The following VPS13C variants were observed in gnomAD, a reference collection of about 807,000 sequenced individuals.
VPS13C encodes vacuolar protein sorting 13 homolog C.
A neutral mutation model predicts 456.8 loss-of-function variants in VPS13C; 358 were observed. That is an observed-to-expected ratio of 0.78 (90% CI 0.72 to 0.86). VPS13C has a LOEUF of 0.86. Ranked by LOEUF, VPS13C falls within the 40% of genes least tolerant of loss-of-function variation. VPS13C has a pLI of 0.00. For missense variants in VPS13C, 4,818 were observed against 4,385.4 expected (o/e 1.10, Z -2.79); for synonymous variants, 1,578 against 1,486.7 (o/e 1.06, Z -1.41).
At chr15:61,936,505 CACATTGTG>C (rs1184813003) in intron 48 of VPS13C, 84 bp downstream of exon 48, 6 of 1,269,724 alleles carry the variant, frequency 4.7e-6, no homozygotes, top group African/African-American at 3.0e-5. Context: ...TAGTTCATAC[CACATTGTG>C]CTGGACAGCT....
chr15:61,989,883 C>A (rs1365907163), intron 18 of VPS13C, among the ~76,000 whole-genome samples: 1 of 152,116 alleles, frequency 6.6e-6, no homozygotes, highest in Non-Finnish European at 1.5e-5. Context: ...ATGCTCATAT[C>A]CTATGACTCA....
At chr15:61,860,245 C>T (rs2140841478) in intron 82 of VPS13C, among the ~76,000 whole-genome samples, 1 of 152,136 alleles carries the variant, frequency 6.6e-6, no homozygotes, top group South Asian at 2.1e-4. Flanking sequence ...ACAGGCTCAA[C>T]AGTAATCAAA....
intron 1 of VPS13C, among the ~76,000 whole-genome samples, chr15:62,059,586 G>A (rs1464328988): frequency 6.6e-6 from 1 of 152,210 alleles, no homozygotes; most frequent in Non-Finnish European, 1.5e-5. Flanking sequence ...CCTAATTAAT[G>A]ACGATGCTGG....
intron 82 of VPS13C, among the ~76,000 whole-genome samples, chr15:61,860,890 G>C (rs544675394): frequency 7.9e-5 from 12 of 151,030 alleles, no homozygotes; most frequent in South Asian, 4.2e-4. Flanking sequence ...GGGACAAAAC[G>C]TGCAAGCAAA....
At chr15:61,926,543 C>A (rs908012620) in intron 52 of VPS13C, among the ~76,000 whole-genome samples, 4 of 152,198 alleles carry the variant, frequency 2.6e-5, no homozygotes, top group Non-Finnish European at 4.4e-5. Context: ...AAATTTTTTA[C>A]ATTTAAAATG....
At chr15:62,051,660 T>A (rs566934972) in intron 1 of VPS13C, among the ~76,000 whole-genome samples, 1 of 152,314 alleles carries the variant, frequency 6.6e-6, no homozygotes, top group South Asian at 2.1e-4. Flanking sequence ...TCGGTTCCAC[T>A]TTTGGTCTCT....
intron 74 of VPS13C, among the ~76,000 whole-genome samples, chr15:61,877,313 T>A (rs887765916): frequency 2.0e-5 from 3 of 151,896 alleles, no homozygotes; most frequent in Non-Finnish European, 4.4e-5. Context: ...TTTTAAAGGT[T>A]TATTTTCGTA....
intron 82 of VPS13C, among the ~76,000 whole-genome samples, chr15:61,860,863 C>G (rs941908800): frequency 6.6e-6 from 1 of 150,676 alleles, no homozygotes; most frequent in Non-Finnish European, 1.5e-5. Flanking sequence ...AAAGGAATAG[C>G]TATTGATAAT....
At chr15:62,013,890 T>G (rs2047132233) in intron 10 of VPS13C, 43 bp downstream of exon 10, 2 of 1,378,290 alleles carry the variant, frequency 1.5e-6, no homozygotes, top group Non-Finnish European at 2.0e-6. Flanking sequence ...ATAAATTAAG[T>G]GCACCTAGGA....
At chr15:61,992,504 C>T (rs2046253763) in intron 16 of VPS13C, among the ~76,000 whole-genome samples, 1 of 152,010 alleles carries the variant, frequency 6.6e-6, no homozygotes. Context: ...GAATCGGTAA[C>T]ATATTGTAAG....
intron 49 of VPS13C, 107 bp downstream of exon 49, chr15:61,934,112 A>G (rs1321933838): frequency 1.7e-6 from 1 of 587,216 alleles, no homozygotes; most frequent in Non-Finnish European, 2.8e-6. Flanking sequence ...TTTTATAGAC[A>G]TATTAAATGT....
intron 17 of VPS13C, 120 bp from the exon 18 acceptor site, chr15:61,991,214 G>A: frequency 1.4e-6 from 1 of 726,486 alleles, no homozygotes; most frequent in Non-Finnish European, 2.2e-6. Context: ...AGCAAAATTA[G>A]CCAGGTAATA....
At chr15:61,923,047 A>G (rs1035391732) in intron 53 of VPS13C, among the ~76,000 whole-genome samples, 1 of 152,164 alleles carries the variant, frequency 6.6e-6, no homozygotes, top group Non-Finnish European at 1.5e-5. Flanking sequence ...GTCAAAATCT[A>G]AAGTTAAGCT....
intron 20 of VPS13C, 126 bp from the exon 21 acceptor site, chr15:61,982,699 C>T: frequency 1.7e-6 from 1 of 604,298 alleles, no homozygotes; most frequent in Non-Finnish European, 2.8e-6. Flanking sequence ...GATATTCTGT[C>T]CTACTACATC....
chr15:61,925,632 C>T (rs1311854001), intron 52 of VPS13C, 84 bp from the exon 53 acceptor site: 2 of 992,476 alleles, frequency 2.0e-6, no homozygotes, highest in South Asian at 3.0e-5. Context: ...TCTTACTTAA[C>T]TTGGGATCTT....
rs1567137317 is a variant in VPS13C at position 62,037,395 on chromosome 15, A to ATTATATATAAATATATATAATATG, written c.188-2367_188-2344dup. Among the ~76,000 whole-genome samples the ATTATATATAAATATATATAATATG allele has an allele frequency of 1.4e-4, 15 of 105,952 alleles. 1 individual carries two copies. Among genetic ancestry groups the ATTATATATAAATATATATAATATG allele is most frequent in the Non-Finnish European group, 2.4e-4 (13 of 55,146 alleles). 69.5% of individuals were successfully genotyped at this position (105,952 alleles called of 152,430 possible). A position where few individuals can be genotyped will look rare whatever the true frequency, so the allele number is the denominator to read the frequency against. ...TATTATATATAAATGTATATAATATATTATATATAAATATATATAATATGT... is the reference window on the plus strand; with the variant it reads ...TATTATATATAAATGTATATAATATATTATATATAAATATATATAATATGTTATATATAAATATATATAATATGT... On this transcript the variant is annotated intron_variant, in intron 3 of 84. Coordinates refer to ENST00000644861, the MANE Select transcript of VPS13C (RefSeq NM_020821.3).
At position 61,895,950 on chromosome 15, in the gene VPS13C, A is replaced by G. The variant is rs150959014; in HGVS notation, c.9106-5550T>C. 8.1e-3 allele frequency among the ~76,000 whole-genome samples: 1,227 copies of G among 152,288 alleles called. 13 individuals are homozygous for G. The highest frequency in any genetic ancestry group is 0.028 in the African/African-American group (1,174 of 41,558). Reference sequence around the variant, plus strand: ...ATTATATAGTTTCATATAGCTAGAAAAAGGATATTGAATGTTCCTAACACA... The same window carrying G: ...ATTATATAGTTTCATATAGCTAGAAGAAGGATATTGAATGTTCCTAACACA... On this transcript the variant is annotated intron_variant, in intron 66 of 84. Coordinates refer to ENST00000644861, the MANE Select transcript of VPS13C (RefSeq NM_020821.3).
At chr15:61,859,429 A>G (rs1248775975) in intron 82 of VPS13C, among the ~76,000 whole-genome samples, 1 of 152,192 alleles carries the variant, frequency 6.6e-6, no homozygotes, top group Non-Finnish European at 1.5e-5. Context: ...ATTAATGATA[A>G]AACCTAAACC....
chr15:62,004,558 G>C (rs946814205), intron 15 of VPS13C, among the ~76,000 whole-genome samples: 4 of 148,558 alleles, frequency 2.7e-5, no homozygotes, highest in Admixed American at 6.7e-5. Flanking sequence ...CTTGCCTTCT[G>C]CTAGCTTTTG....
Sources: gnomAD v4.1 joint callset for allele counts (sites outside exome capture counted in the v4.1 genomes callset) on GRCh38, gnomAD v4.1.1 for gene constraint, MANE v1.5 for transcripts, NCBI Gene and HGNC (gene_info 2026-07-23, HGNC 2026-07-21) for gene names.